Variants in KIAA0319L observed in about 807,000 individuals in gnomAD.
The protein encoded by KIAA0319L is dyslexia-associated protein KIAA0319-like protein.
A neutral mutation model predicts 120.1 loss-of-function variants in KIAA0319L; 55 were observed. The observed-to-expected ratio is 0.46, with a 90% CI of 0.37 to 0.57. The LOEUF (loss-of-function observed/expected upper bound fraction) is 0.57, where lower values mean the gene tolerates loss of function less well. Among genes scored for constraint, KIAA0319L ranks in the 20% least tolerant of loss-of-function variants. The probability of loss-of-function intolerance (pLI) is 0.00; values close to 1 mark genes in which losing one functional copy is unlikely to be tolerated. For synonymous variants in KIAA0319L, 398 were observed against 471.9 expected, an observed-to-expected ratio of 0.84 and a Z score of 2.03; for missense variants, 1,049 against 1,255.3, an observed-to-expected ratio of 0.84 and a Z score of 2.48.
intron 16 of KIAA0319L, among the ~76,000 whole-genome samples, chr1:35,447,544 A>C (rs1174471053): frequency 1.3e-5 from 2 of 151,606 alleles, no homozygotes; most frequent in East Asian, 3.9e-4. Context: ...ATGCCTGGTC[A>C]ATATAAGTTT....
chr1:35,497,430 T>C (rs367565200), intron 3 of KIAA0319L, among the ~76,000 whole-genome samples: 10 of 152,150 alleles, frequency 6.6e-5, no homozygotes, highest in African/African-American at 2.4e-4. Flanking sequence ...AGAAAATCTA[T>C]AATGACTAAA....
At chr1:35,443,441 G>A (rs1406137564) in intron 17 of KIAA0319L, 1 of 158,202 alleles carries the variant, frequency 6.3e-6, no homozygotes, top group Admixed American at 6.2e-5. Context: ...GGAGGCCGAG[G>A]CAGGCAGATC....
At position 35,466,679 on chromosome 1, in the gene KIAA0319L, T is replaced by C. The variant is rs1643285326; in HGVS notation, c.1130A>G (p.Tyr377Cys). 1 of 1,610,574 alleles carries C rather than the reference T, an allele frequency of 6.2e-7. No individual in the cohort carries two copies. The highest frequency in any genetic ancestry group is 8.5e-7 in the Non-Finnish European group (1 of 1,176,894). The stretch of plus-strand genomic sequence containing the variant: ...ACCCTCTACAATCACTTTGAATTCA[T>C]ACAGGCCTGGAGTGAGCTGCAGAAG... ...LKLSKLTPGL[Y>C]EFKVIVEGQN... Residue 377 changes from tyrosine to cysteine, a missense_variant, in exon 7 of 21, where the codon TAT becomes TGT. Physicochemically the swap from Tyr to Cys is radical, Grantham distance 194 (BLOSUM62 -2). Coordinates refer to ENST00000325722, the MANE Select transcript of KIAA0319L (RefSeq NM_024874.5).
chr1:35,519,352 AGTTT>A (rs1212195029), intron 2 of KIAA0319L, among the ~76,000 whole-genome samples: 1 of 152,170 alleles, frequency 6.6e-6, no homozygotes, highest in Non-Finnish European at 1.5e-5. Context: ...AGTGAAATAA[AGTTT>A]TTTTTTCCCC....
Position 35,448,523 on chromosome 1 carries a change from G to A in KIAA0319L, c.2354-191C>T, listed in dbSNP as rs1278349017. Among the ~76,000 whole-genome samples, 6 of 152,156 alleles carry A rather than the reference G, an allele frequency of 3.9e-5. No homozygotes were observed. The East Asian group carries it at 1.2e-3, about 29-fold the overall frequency. ...CTTAGAAAGCTTCTAAAGCACTCCTGCTCTCTATACCAACCTGAGAATTCC... is the reference window on the plus strand; with the variant it reads ...CTTAGAAAGCTTCTAAAGCACTCCTACTCTCTATACCAACCTGAGAATTCC... On this transcript the variant is annotated intron_variant, in intron 15 of 20. Transcript: ENST00000325722.
At chr1:35,552,288 G>A (rs950429669) in intron 2 of KIAA0319L, among the ~76,000 whole-genome samples, 33 of 152,242 alleles carry the variant, frequency 2.2e-4, no homozygotes, top group African/African-American at 7.9e-4. Flanking sequence ...GTTGCAGTGA[G>A]CAGAGATCGC....
chr1:35,506,481 A>G lies in KIAA0319L; in HGVS notation c.666+131T>C, dbSNP rs1645208730. Reference sequence around the variant, plus strand: ...TCTGGGCAGCACCAAAGAAGCTGACACCAAGCAGCTTTATATATACACTCC... The same window carrying G: ...TCTGGGCAGCACCAAAGAAGCTGACGCCAAGCAGCTTTATATATACACTCC... On this transcript the variant is annotated intron_variant, in intron 3 of 20. Coordinates refer to ENST00000325722, the MANE Select transcript of KIAA0319L (RefSeq NM_024874.5). This position sits in a 1 kb window ranked among gnomAD's most constrained non-coding sequence, Gnocchi z 4.0. 1 of 850,216 alleles carries G rather than the reference A, an allele frequency of 1.2e-6. No individual in the cohort carries two copies. Among genetic ancestry groups the G allele is most frequent in the East Asian group, 2.5e-5 (1 of 40,554 alleles). The allele number at this position is 850,216 out of a possible 1,614,324, so 52.7% of individuals were successfully genotyped here. A position where few individuals can be genotyped will look rare whatever the true frequency, so the allele number is the denominator to read the frequency against.
intron 4 of KIAA0319L, among the ~76,000 whole-genome samples, chr1:35,477,305 T>C (rs1358765758): frequency 6.6e-6 from 1 of 152,184 alleles, no homozygotes; most frequent in East Asian, 1.9e-4. Flanking sequence ...AAAGAAGACC[T>C]ACAAATGGCA....
intron 2 of KIAA0319L, among the ~76,000 whole-genome samples, chr1:35,526,315 ATGTG>A (rs943876382): frequency 7.5e-5 from 11 of 146,502 alleles, no homozygotes; most frequent in African/African-American, 2.7e-4. Flanking sequence ...ATATATACAT[ATGTG>A]TATGTGTGTG....
rs972014738 is a variant in KIAA0319L, at chr1:35,437,232, C to A, written c.2963-2151G>T. ...CTCCCATCCAATCTCACCTCTGCAG[C>A]GCGGCACTTCTCCGGGCCATCACCG... is the stretch of plus-strand genomic sequence containing the variant. On this transcript the variant is annotated intron_variant, in intron 20 of 20. Transcript: ENST00000325722. This position sits in a 1 kb window ranked among gnomAD's most constrained non-coding sequence, Gnocchi z 4.1. Among the ~76,000 whole-genome samples, 5 of 152,152 alleles carry A rather than the reference C, an allele frequency of 3.3e-5. No homozygotes were observed. The highest frequency in any genetic ancestry group is 2.0e-4 in the Admixed American group (3 of 15,280).
At chr1:35,542,840 C>T (rs1482587082) in intron 2 of KIAA0319L, among the ~76,000 whole-genome samples, 2 of 152,186 alleles carry the variant, frequency 1.3e-5, no homozygotes, top group African/African-American at 2.4e-5. Flanking sequence ...TTTTTATAAA[C>T]TCCTCTGCTG....
rs1642211717 is a variant in KIAA0319L at position 35,453,522 on chromosome 1, C to T, written c.1913+35G>A. The T allele has an allele frequency of 9.3e-6, 15 of 1,610,814 alleles. No homozygotes were observed. In the South Asian group the frequency reaches 1.5e-4, roughly 17 times the overall value. ...ACCTTGCTCTTCCAAGGTCTGGAGG[C>T]TTTGCAAAAATAAGGATTTTGTGTC... is the stretch of plus-strand genomic sequence containing the variant. On this transcript the variant is annotated intron_variant, in intron 12 of 20. Transcript: ENST00000325722. This position sits in a 1 kb window ranked among gnomAD's most constrained non-coding sequence, Gnocchi z 4.1.
At chr1:35,495,233 C>T (rs1052464433) in intron 3 of KIAA0319L, among the ~76,000 whole-genome samples, 5 of 151,958 alleles carry the variant, frequency 3.3e-5, no homozygotes, top group Admixed American at 6.6e-5. Flanking sequence ...ATTAACCAGG[C>T]GTGGTGGTGC....
intron 2 of KIAA0319L, among the ~76,000 whole-genome samples, chr1:35,533,600 G>C (rs1253383792): frequency 6.6e-6 from 1 of 152,120 alleles, no homozygotes; most frequent in Non-Finnish European, 1.5e-5. Flanking sequence ...ACCTATAAAT[G>C]AACTATTATC....
intron 6 of KIAA0319L, among the ~76,000 whole-genome samples, chr1:35,468,948 G>A (rs1643446057): frequency 6.6e-6 from 1 of 152,198 alleles, no homozygotes; most frequent in African/African-American, 2.4e-5. Flanking sequence ...TACATCCTGG[G>A]ATTGTTACGA....
rs1289007433 is a variant in KIAA0319L at position 35,486,064 on chromosome 1, T to C, written c.667-6852A>G. 2.0e-5 allele frequency among the ~76,000 whole-genome samples: 3 copies of C among 152,218 alleles called. No individual in the cohort carries two copies. In the East Asian group the frequency reaches 5.8e-4, roughly 29 times the overall value. On this transcript the variant is annotated intron_variant, in intron 3 of 20. Coordinates refer to ENST00000325722, the MANE Select transcript of KIAA0319L (RefSeq NM_024874.5). ...TTCCAAGAAGACCACAGACTTCCAC[T>C]GTACCTACTCAAAGTATTACCAGCC... is the stretch of plus-strand genomic sequence containing the variant.
At chr1:35,501,630 A>T (rs960408560) in intron 3 of KIAA0319L, among the ~76,000 whole-genome samples, 1 of 152,106 alleles carries the variant, frequency 6.6e-6, no homozygotes, top group Non-Finnish European at 1.5e-5. Flanking sequence ...TAATACCAGC[A>T]CTTTGGGAGG....
chr1:35,450,121 G>T, intron 14 of KIAA0319L, 116 bp from the exon 15 acceptor site: 3 of 1,301,556 alleles, frequency 2.3e-6, no homozygotes, highest in Non-Finnish European at 3.3e-6. Context: ...TCAACCTTGG[G>T]CAGTTCCTGA....
chr1:35,496,867 A>G (rs1644824386), intron 3 of KIAA0319L, among the ~76,000 whole-genome samples: 1 of 150,616 alleles, frequency 6.6e-6, no homozygotes, highest in Admixed American at 6.7e-5. Context: ...GAATCACTTG[A>G]ACCCTGGAGG....
Sources: gnomAD v4.1 joint callset for allele counts (sites outside exome capture counted in the v4.1 genomes callset) on GRCh38, gnomAD v4.1.1 for gene constraint, Gnocchi (gnomAD v3.1) non-coding constraint, MANE v1.5 for transcripts, NCBI Gene and HGNC (gene_info 2026-07-23, HGNC 2026-07-21) for gene names.